The following CPNE8 variants were observed in gnomAD, a reference collection of about 807,000 sequenced individuals.
CPNE8 encodes the protein copine 8, also known as copine-8.
In CPNE8, 45 loss-of-function variants were observed where a neutral mutation model predicts 81.5. That is an observed-to-expected ratio of 0.55 (90% CI 0.44 to 0.71). The LOEUF is 0.71. CPNE8 is among the 30% of genes least tolerant of loss of function. The pLI is 0.00. For synonymous variants in CPNE8, 252 were observed against 226.3 expected, an observed-to-expected ratio of 1.11 and a Z score of -1.02; for missense variants, 594 against 672.1, an observed-to-expected ratio of 0.88 and a Z score of 1.28.
intron 6 of CPNE8, among the ~76,000 whole-genome samples, chr12:38,795,858 T>C (rs934566539): frequency 6.9e-5 from 9 of 131,158 alleles, no homozygotes; most frequent in African/African-American, 2.3e-4. Context: ...TGATGATAGA[T>C]GGATGGATGG....
chr12:38,755,996 C>CG (rs1941449945), intron 10 of CPNE8, among the ~76,000 whole-genome samples: 4 of 137,680 alleles, frequency 2.9e-5, no homozygotes, highest in South Asian at 2.4e-4. Context: ...GCCGAGATCC[C>CG]GCCACTGCAC....
At chr12:38,858,960 A>G (rs1170690515) in intron 3 of CPNE8, among the ~76,000 whole-genome samples, 1 of 152,224 alleles carries the variant, frequency 6.6e-6, no homozygotes, top group Non-Finnish European at 1.5e-5. Context: ...TGAACATGTC[A>G]AAACCATATA....
chr12:38,755,974 A>G (rs1941449110), intron 10 of CPNE8, among the ~76,000 whole-genome samples: 1 of 137,192 alleles, frequency 7.3e-6, no homozygotes, highest in East Asian at 2.2e-4. Context: ...CAGGAGGCGG[A>G]GCTTGCAGTG....
At chr12:38,686,881 G>A (rs1219808569) in intron 15 of CPNE8, among the ~76,000 whole-genome samples, 1 of 152,156 alleles carries the variant, frequency 6.6e-6, no homozygotes, top group African/African-American at 2.4e-5. Flanking sequence ...CCTTTTATGA[G>A]CCAGTCTCAG....
intron 10 of CPNE8, among the ~76,000 whole-genome samples, chr12:38,751,702 AT>A (rs1383058691): frequency 1.7e-4 from 26 of 150,314 alleles, no homozygotes; most frequent in African/African-American, 6.1e-4. Context: ...AGATAAAAAA[AT>A]ATATATATTT....
intron 3 of CPNE8, among the ~76,000 whole-genome samples, chr12:38,853,892 A>G (rs533165177): frequency 1.1e-3 from 175 of 152,270 alleles, no homozygotes; most frequent in Admixed American, 2.7e-3. Flanking sequence ...AAAAATGTTC[A>G]GAAAGTTTTA....
intron 19 of CPNE8, among the ~76,000 whole-genome samples, chr12:38,663,218 A>G (rs961908693): frequency 7.2e-5 from 11 of 152,156 alleles, no homozygotes; most frequent in Non-Finnish European, 1.6e-4. Flanking sequence ...TTCATCTAAT[A>G]AGGGATTAAT....
At position 38,679,281 on chromosome 12, in the gene CPNE8, T is replaced by G. The variant is rs1486356; in HGVS notation, c.1272-1727A>C. 5.2e-3 allele frequency among the ~76,000 whole-genome samples: 796 copies of G among 151,924 alleles called. 5 individuals are homozygous for G. The highest frequency in any genetic ancestry group is 0.018 in the African/African-American group (754 of 41,536). ...CATATAAAATACTGCTTCCAGTGGC[T>G]TAACTGATTTTCTTTGGATATACCA... On this transcript the variant is annotated intron_variant, in intron 16 of 19. Transcript: ENST00000331366.
At chr12:38,763,639 T>C (rs769999336) in intron 8 of CPNE8, among the ~76,000 whole-genome samples, 130 of 152,200 alleles carry the variant, frequency 8.5e-4, no homozygotes, top group Non-Finnish European at 5.7e-4. Context: ...TCCAGTGTCA[T>C]TTCCACAAAA....
chr12:38,693,940 T>C (rs1363521433), intron 14 of CPNE8, 102 bp from the exon 15 acceptor site: 3 of 902,456 alleles, frequency 3.3e-6, no homozygotes, highest in Non-Finnish European at 3.3e-6. Context: ...CAAAATTATG[T>C]TTTTCTGCCT....
At chr12:38,848,891 T>C (rs1311976560) in intron 3 of CPNE8, among the ~76,000 whole-genome samples, 2 of 152,188 alleles carry the variant, frequency 1.3e-5, no homozygotes, top group African/African-American at 4.8e-5. Flanking sequence ...CAAACCATAA[T>C]GCTTCTCCTT....
chr12:38,794,586 A>G (rs529178409), intron 6 of CPNE8, among the ~76,000 whole-genome samples: 68 of 152,216 alleles, frequency 4.5e-4, no homozygotes, highest in Non-Finnish European at 8.4e-4. Context: ...AATGGAAATC[A>G]GATCCACAAT....
chr12:38,680,826 A>G lies in CPNE8; in HGVS notation c.1272-3272T>C, dbSNP rs1479363487. 2.0e-5 allele frequency among the ~76,000 whole-genome samples: 3 copies of G among 152,052 alleles called. No homozygotes were observed. In the East Asian group the frequency reaches 5.8e-4, roughly 29 times the overall value. On this transcript the variant is annotated intron_variant, in intron 16 of 19. Coordinates refer to ENST00000331366, the MANE Select transcript of CPNE8 (RefSeq NM_153634.3). The stretch of plus-strand genomic sequence containing the variant: ...ATTATTTAATTTGAAAATTAGTTAT[A>G]AGAATTCCAAAATAAAAAGTTATTT...
intron 15 of CPNE8, among the ~76,000 whole-genome samples, chr12:38,692,503 G>A (rs1939699197): frequency 6.6e-6 from 1 of 152,212 alleles, no homozygotes; most frequent in Admixed American, 6.5e-5. Context: ...TTTCCTTTGA[G>A]TATCTTATTG....
At chr12:38,694,666 T>G (rs1028965722) in intron 14 of CPNE8, among the ~76,000 whole-genome samples, 27 of 152,214 alleles carry the variant, frequency 1.8e-4, no homozygotes, top group African/African-American at 5.5e-4. Context: ...TGTATTAATA[T>G]GTGCTACCAC....
At chr12:38,744,201 G>A (rs1291664619) in intron 10 of CPNE8, among the ~76,000 whole-genome samples, 1 of 152,176 alleles carries the variant, frequency 6.6e-6, no homozygotes, top group Non-Finnish European at 1.5e-5. Context: ...CTGTTGGGAA[G>A]CATGAACTAA....
rs1378274213 is a variant in CPNE8 at position 38,764,429 on chromosome 12, A to G, written c.576-2213T>C. ...TCAGGAGATCGAGACCATCCCGGCT[A>G]AAACGGTGAAACCCCGTCTCTACTA... is the stretch of plus-strand genomic sequence containing the variant. On this transcript the variant is annotated intron_variant, in intron 8 of 19. Transcript: ENST00000331366. Among the ~76,000 whole-genome samples the G allele has an allele frequency of 2.6e-4, 40 of 151,396 alleles. 1 individual carries two copies. The highest frequency in any genetic ancestry group is 2.6e-3 in the Admixed American group (40 of 15,214).
At chr12:38,793,269 G>C (rs1942372179) in intron 6 of CPNE8, among the ~76,000 whole-genome samples, 2 of 149,630 alleles carry the variant, frequency 1.3e-5, no homozygotes, top group Non-Finnish European at 3.0e-5. Context: ...TGAAAATGAA[G>C]AAATAAAATT....
intron 6 of CPNE8, among the ~76,000 whole-genome samples, chr12:38,797,337 C>A (rs1394798919): frequency 6.6e-6 from 1 of 152,182 alleles, no homozygotes; most frequent in Admixed American, 6.5e-5. Flanking sequence ...GCCAGGTACT[C>A]CTCTGAGACA....
Sources: gnomAD v4.1 joint callset for allele counts (sites outside exome capture counted in the v4.1 genomes callset) on GRCh38, gnomAD v4.1.1 for gene constraint, MANE v1.5 for transcripts, NCBI Gene and HGNC (gene_info 2026-07-23, HGNC 2026-07-21) for gene names.